ERCC5: variants seen among roughly 807,000 people sequenced by gnomAD.
ERCC5 encodes the protein ERCC excision repair 5, endonuclease.
A neutral mutation model predicts 105.6 loss-of-function variants in ERCC5; 68 were observed. The ratio of observed to expected loss-of-function variants is 0.64; its 90% CI spans 0.53 to 0.79. ERCC5 has a LOEUF of 0.79. Ranked by LOEUF, ERCC5 falls within the 30% of genes least tolerant of loss-of-function variation. The pLI is 0.00. For missense variants in ERCC5, 1,373 were observed against 1,426.7 expected (o/e 0.96, Z 0.61); for synonymous variants, 546 against 526.2 (o/e 1.04, Z -0.51).
rs148103512 is a variant in ERCC5, at chr13:102,865,902, T to C, written c.2190T>C (p.Asp730=). The C allele has an allele frequency of 3.5e-5, 56 of 1,613,948 alleles. No homozygotes were observed. In the African/African-American group the frequency reaches 6.4e-4, roughly 18 times the overall value. ...AAGATTCGCTCCATGAATGGCAAGA[T>C]ATTAATTTGGTAATACCGTAACATT... ...DAEDSLHEWQ[D]INLEELETLE... is the part of the protein sequence containing the mutation. The change falls in exon 9 of 15, where the codon GAT becomes GAC. Residue 730 remains aspartate (D), a synonymous_variant. Transcript: ENST00000652225. This position sits in a 1 kb window ranked among gnomAD's most constrained non-coding sequence, Gnocchi z 4.0.
At chr13:102,851,356 G>A (rs902563952) in intron 1 of ERCC5, among the ~76,000 whole-genome samples, 4 of 152,086 alleles carry the variant, frequency 2.6e-5, no homozygotes, top group Admixed American at 6.6e-5. Context: ...GTGCAGTGGC[G>A]CGATCTCGGC....
intron 13 of ERCC5, among the ~76,000 whole-genome samples, chr13:102,872,993 A>G (rs1195575279): frequency 1.3e-5 from 2 of 152,204 alleles, no homozygotes; most frequent in Non-Finnish European, 2.9e-5. Context: ...ATTCCAGTTA[A>G]CCTTTTTTCA....
intron 14 of ERCC5, among the ~76,000 whole-genome samples, chr13:102,873,553 T>G (rs1053615412): frequency 2.0e-5 from 3 of 152,184 alleles, no homozygotes; most frequent in African/African-American, 4.8e-5. Context: ...AACTTTGGAG[T>G]CCTTTCATAT....
At chr13:102,846,878 T>A (rs1881987607) in intron 1 of ERCC5, among the ~76,000 whole-genome samples, 1 of 152,248 alleles carries the variant, frequency 6.6e-6, no homozygotes, top group African/African-American at 2.4e-5. Flanking sequence ...TCCTGGTTTG[T>A]CACTTTGTGG....
intron 2 of ERCC5, among the ~76,000 whole-genome samples, chr13:102,852,754 T>A (rs1257352418): frequency 6.6e-6 from 1 of 152,156 alleles, no homozygotes; most frequent in African/African-American, 2.4e-5. Context: ...GTGACTAAAG[T>A]GGATTATCTA....
At chr13:102,866,226 T>C in intron 9 of ERCC5, 36 bp from the exon 10 acceptor site, 3 of 1,609,720 alleles carry the variant, frequency 1.9e-6, no homozygotes, top group Non-Finnish European at 2.5e-6. Flanking sequence ...ATTTGGATTA[T>C]TAATATAAAT....
At position 102,865,686 on chromosome 13, in the gene ERCC5, A is replaced by T. The variant is rs55686372; in HGVS notation, c.1974A>T (p.Gln658His). 6 of 1,613,750 alleles carry T rather than the reference A, an allele frequency of 3.7e-6. No homozygotes were observed. The highest frequency in any genetic ancestry group is 5.1e-6 in the Non-Finnish European group (6 of 1,179,854). Residue 658 changes from glutamine (Q) to histidine (H), a missense_variant, in exon 9 of 15, where the codon CAA becomes CAT. Gln to His is a conservative substitution (Grantham distance 24, BLOSUM62 0). Transcript: ENST00000652225. The surrounding 1 kb of genome is among the most constrained non-coding windows in gnomAD (Gnocchi z 4.0). ...GTACAGGAAGTTTCATTGAAGTGCA[A>T]AGTGTGATTAGTGATGAGGAACTTC... ...SESDGSFIEV[Q>H]SVISDEELQA...
chr13:102,852,092 G>C (rs769925882), intron 1 of ERCC5, 26 bp from the exon 2 acceptor site: 15 of 1,613,372 alleles, frequency 9.3e-6, no homozygotes, highest in Non-Finnish European at 1.3e-5. Flanking sequence ...AAATCCCGGA[G>C]TTTTTTCCAT....
chr13:102,851,377 C>T (rs910510329), intron 1 of ERCC5, among the ~76,000 whole-genome samples: 2 of 152,124 alleles, frequency 1.3e-5, no homozygotes, highest in African/African-American at 2.4e-5. Flanking sequence ...TCACTGCAAC[C>T]TCTGCCTCCT....
At chr13:102,856,697 C>G (rs752998989) in intron 5 of ERCC5, among the ~76,000 whole-genome samples, 3 of 152,184 alleles carry the variant, frequency 2.0e-5, no homozygotes, top group Non-Finnish European at 4.4e-5. Context: ...TGCAGCCAGT[C>G]TGTAGCTGGG....
intron 4 of ERCC5, among the ~76,000 whole-genome samples, chr13:102,855,318 C>G (rs971405207): frequency 1.1e-4 from 17 of 152,022 alleles, no homozygotes; most frequent in African/African-American, 3.9e-4. Flanking sequence ...GGCACAATCT[C>G]AGCTCACTGC....
At position 102,861,687 on chromosome 13, in the gene ERCC5, G is replaced by A. The variant is rs1403187306; in HGVS notation, c.853G>A (p.Asp285Asn). ...AGAGTCAAGGAGAGTGGTCTCTGAA[G>A]ACACTTCACATTACATCTTGATAAA... ...EVESRRVVSE[D>N]TSHYILIKGI... The change falls in exon 7 of 15, where the codon GAC becomes AAC. Residue 285 changes from aspartate (D) to asparagine (N), a missense_variant. Around this residue, in one of 3 missense-constraint regions of ERCC5, gnomAD observed 1,004 missense variants for 1,059.7 expected, o/e 0.95. Transcript: ENST00000652225. 5 of 1,614,088 alleles carry A rather than the reference G, an allele frequency of 3.1e-6. No individual in the cohort carries two copies. Among genetic ancestry groups the A allele is most frequent in the Non-Finnish European group, 4.2e-6 (5 of 1,180,014 alleles).
chr13:102,852,393 A>G (rs1045981519), intron 2 of ERCC5, 100 bp downstream of exon 2: 2 of 1,365,506 alleles, frequency 1.5e-6, no homozygotes, highest in African/African-American at 1.5e-5. Flanking sequence ...TTAGAATTTT[A>G]GAAACAGACT....
chr13:102,852,091 A>G (rs1296660103), intron 1 of ERCC5, 27 bp from the exon 2 acceptor site: 16 of 1,613,388 alleles, frequency 9.9e-6, no homozygotes, highest in Non-Finnish European at 1.3e-5. Flanking sequence ...AAAATCCCGG[A>G]GTTTTTTCCA....
chr13:102,868,009 A>G, intron 11 of ERCC5, 104 bp from the exon 12 acceptor site: 1 of 1,047,076 alleles, frequency 9.6e-7, no homozygotes, highest in Admixed American at 2.6e-5. Flanking sequence ...TGGTGGTTGG[A>G]TATAGATATA....
At chr13:102,846,432 A>G (rs1272192169) in intron 1 of ERCC5, 78 bp downstream of exon 1, 2 of 1,257,988 alleles carry the variant, frequency 1.6e-6, no homozygotes, top group Middle Eastern at 2.3e-4. Flanking sequence ...CCTTGGGCAC[A>G]GTGGCATCTG....
chr13:102,846,464 G>A, intron 1 of ERCC5, 110 bp downstream of exon 1: 1 of 925,562 alleles, frequency 1.1e-6, no homozygotes, highest in Non-Finnish European at 1.7e-6. Flanking sequence ...TCTTGGGTCG[G>A]GGTCGGGGTC....
chr13:102,866,750 T>C lies in ERCC5; in HGVS notation c.2438T>C (p.Ile813Thr). The C allele has an allele frequency of 1.2e-6, 2 of 1,614,286 alleles. No individual in the cohort carries two copies. The highest frequency in any genetic ancestry group is 1.3e-5 in the African/African-American group (1 of 75,078). Residue 813 changes from isoleucine (I) to threonine (T), a missense_variant, in exon 11 of 15, where the codon ATC becomes ACC. By Grantham distance (89) the Ile-to-Thr change is moderately conservative. This residue lies in a region of ERCC5 where 1,004 missense variants were observed against 1,059.7 expected (regional missense o/e 0.95). Transcript: ENST00000652225. ...GGAACCATCACTGATGACAGTGATA[T>C]CTGGCTGTTTGGAGCGCGGCATGTC... ...TSGTITDDSD[I>T]WLFGARHVYR...
rs1882803528 is a variant in ERCC5 at position 102,865,628 on chromosome 13, T to G, written c.1955-39T>G. The G allele has an allele frequency of 6.2e-7, 1 of 1,609,518 alleles. No homozygotes were observed. Among genetic ancestry groups the G allele is most frequent in the African/African-American group, 1.3e-5 (1 of 74,842 alleles). ...GATGATTGCAGGATCATTTTAATGT[T>G]TTGATTGTAGATGAAGTGACCTTTT... On this transcript the variant is annotated intron_variant, in intron 8 of 14. Coordinates refer to ENST00000652225, the MANE Select transcript of ERCC5 (RefSeq NM_000123.4). This position sits in a 1 kb window ranked among gnomAD's most constrained non-coding sequence, Gnocchi z 4.0.
Sources: gnomAD v4.1 joint callset for allele counts (sites outside exome capture counted in the v4.1 genomes callset) on GRCh38, gnomAD v4.1.1 for gene constraint, gnomAD v4.1.1 regional missense constraint, Gnocchi (gnomAD v3.1) non-coding constraint, MANE v1.5 for transcripts, NCBI Gene and HGNC (gene_info 2026-07-23, HGNC 2026-07-21) for gene names.